The following CERS6 variants were observed in gnomAD, a reference collection of about 807,000 sequenced individuals.
CERS6 encodes the protein ceramide synthase 6, also known as LAG1 homolog, ceramide synthase 6.
Under a neutral mutation model 56.8 loss-of-function variants are expected in CERS6, and 26 were observed. The observed-to-expected ratio is 0.46, with a 90% confidence interval of 0.34 to 0.63. CERS6 has a LOEUF of 0.63. Ranked by LOEUF, CERS6 falls within the 30% of genes least tolerant of loss-of-function variation. The probability of loss-of-function intolerance (pLI) is 0.01; values close to 1 mark genes in which losing one functional copy is unlikely to be tolerated. For synonymous variants in CERS6, 164 were observed against 173.3 expected, an observed-to-expected ratio of 0.95 and a Z score of 0.42; for missense variants, 415 against 467.5, an observed-to-expected ratio of 0.89 and a Z score of 1.04.
At chr2:168,480,775 G>T (rs554771895) in intron 1 of CERS6, among the ~76,000 whole-genome samples, 31 of 152,208 alleles carry the variant, frequency 2.0e-4, no homozygotes, top group African/African-American at 6.5e-4. Flanking sequence ...CTAAATTTAG[G>T]GTGAAAACCT....
At chr2:168,484,790 G>A (rs1220702317) in intron 1 of CERS6, among the ~76,000 whole-genome samples, 2 of 152,084 alleles carry the variant, frequency 1.3e-5, no homozygotes, top group African/African-American at 4.8e-5. Flanking sequence ...GTCCTGATAT[G>A]TTGGTATTTT....
intron 8 of CERS6, among the ~76,000 whole-genome samples, chr2:168,759,158 G>A (rs996612661): frequency 6.6e-6 from 1 of 152,162 alleles, no homozygotes; most frequent in African/African-American, 2.4e-5. Flanking sequence ...GTGTATCAGG[G>A]CATCAGCAGT....
At chr2:168,652,426 G>A (rs889685547) in intron 4 of CERS6, among the ~76,000 whole-genome samples, 1 of 152,124 alleles carries the variant, frequency 6.6e-6, no homozygotes, top group African/African-American at 2.4e-5. Context: ...TAGGGATTAA[G>A]CCACGTAGCC....
intron 5 of CERS6, among the ~76,000 whole-genome samples, chr2:168,694,393 G>A (rs993108385): frequency 6.6e-6 from 1 of 152,124 alleles, no homozygotes. Context: ...GCCTAGTCTG[G>A]TATCTCCTGG....
intron 4 of CERS6, among the ~76,000 whole-genome samples, chr2:168,636,120 TTC>T (rs1309358664): frequency 6.6e-6 from 1 of 152,180 alleles, no homozygotes; most frequent in Non-Finnish European, 1.5e-5. Context: ...CATGAAATAC[TTC>T]TATAAGAAGT....
At chr2:168,699,022 C>G (rs1206732439) in intron 6 of CERS6, among the ~76,000 whole-genome samples, 3 of 152,250 alleles carry the variant, frequency 2.0e-5, no homozygotes, top group African/African-American at 7.2e-5. Context: ...CATGCTTACT[C>G]CTTGGCACAG....
At chr2:168,732,456 T>G (rs1266245415) in intron 8 of CERS6, among the ~76,000 whole-genome samples, 1 of 152,216 alleles carries the variant, frequency 6.6e-6, no homozygotes, top group African/African-American at 2.4e-5. Flanking sequence ...CTTGTTTACT[T>G]AATTCAATCT....
At chr2:168,512,685 A>C (rs1185080559) in intron 1 of CERS6, among the ~76,000 whole-genome samples, 1 of 113,538 alleles carries the variant, frequency 8.8e-6, no homozygotes, top group African/African-American at 3.6e-5. Flanking sequence ...TTTTTTTTTT[A>C]AAGACAGAGT....
chr2:168,576,781 T>C (rs532011043), intron 3 of CERS6, among the ~76,000 whole-genome samples: 2 of 152,258 alleles, frequency 1.3e-5, no homozygotes, highest in South Asian at 4.1e-4. Flanking sequence ...TCATGAACTG[T>C]TTGAGTGGAG....
At chr2:168,521,987 A>G (rs778123470) in intron 1 of CERS6, among the ~76,000 whole-genome samples, 4 of 152,294 alleles carry the variant, frequency 2.6e-5, no homozygotes, top group African/African-American at 4.8e-5. Flanking sequence ...TTGAAAGCCT[A>G]TTTTTGTAGA....
At chr2:168,509,944 G>A (rs1694748855) in intron 1 of CERS6, among the ~76,000 whole-genome samples, 1 of 152,086 alleles carries the variant, frequency 6.6e-6, no homozygotes, top group African/African-American at 2.4e-5. Flanking sequence ...TTAGATTTGT[G>A]TTGTTTTAGT....
At chr2:168,687,263 T>C (rs1020757399) in intron 4 of CERS6, among the ~76,000 whole-genome samples, 3 of 152,254 alleles carry the variant, frequency 2.0e-5, no homozygotes, top group African/African-American at 7.2e-5. Context: ...AGATTAGAAA[T>C]AATTCATTAA....
At chr2:168,631,229 A>T (rs577534906) in intron 4 of CERS6, among the ~76,000 whole-genome samples, 187 bp downstream of exon 4, 1 of 150,870 alleles carries the variant, frequency 6.6e-6, no homozygotes, top group African/African-American at 2.4e-5. Context: ...TAGTCACTCC[A>T]GTGGGTTATT....
chr2:168,699,352 G>A (rs147134783), intron 6 of CERS6, among the ~76,000 whole-genome samples: 2 of 152,288 alleles, frequency 1.3e-5, no homozygotes, highest in East Asian at 1.9e-4. Context: ...TTCAGAAGAC[G>A]TTCATGAGGT....
chr2:168,635,067 G>T (rs1684832638), intron 4 of CERS6, among the ~76,000 whole-genome samples: 1 of 152,208 alleles, frequency 6.6e-6, no homozygotes, highest in African/African-American at 2.4e-5. Flanking sequence ...TTTACCTCGA[G>T]TGTAAGCTCC....
At chr2:168,742,327 A>G (rs1683937946) in intron 8 of CERS6, among the ~76,000 whole-genome samples, 1 of 152,222 alleles carries the variant, frequency 6.6e-6, no homozygotes, top group African/African-American at 2.4e-5. Flanking sequence ...TTATCATGGA[A>G]CAGTTTACTC....
intron 6 of CERS6, among the ~76,000 whole-genome samples, chr2:168,712,740 C>T (rs1687124397): frequency 1.3e-5 from 2 of 152,176 alleles, no homozygotes; most frequent in South Asian, 4.1e-4. Context: ...CCACACTCAC[C>T]TCCTCACTAT....
intron 3 of CERS6, among the ~76,000 whole-genome samples, chr2:168,602,307 A>G (rs978828510): frequency 6.6e-6 from 1 of 152,396 alleles, no homozygotes; most frequent in South Asian, 2.1e-4. Flanking sequence ...GAGTGCAACT[A>G]AGATAAAGAT....
intron 3 of CERS6, among the ~76,000 whole-genome samples, chr2:168,575,043 G>T (rs1683225532): frequency 6.6e-6 from 1 of 152,180 alleles, no homozygotes; most frequent in Non-Finnish European, 1.5e-5. Flanking sequence ...TGAGGTCCTT[G>T]TGGTAGAACT....
Sources: gnomAD v4.1 joint callset for allele counts (sites outside exome capture counted in the v4.1 genomes callset) on GRCh38, gnomAD v4.1.1 for gene constraint, MANE v1.5 for transcripts, NCBI Gene and HGNC (gene_info 2026-07-23, HGNC 2026-07-21) for gene names.